Variants in PCNT observed in about 807,000 individuals in gnomAD.
PCNT encodes the protein kendrin.
In PCNT, 319 loss-of-function variants were observed where a neutral mutation model predicts 380.4. The observed-to-expected ratio is 0.84, with a 90% CI of 0.77 to 0.92. The LOEUF (loss-of-function observed/expected upper bound fraction) is 0.92, where lower values mean the gene tolerates loss of function less well. Ranked by LOEUF, PCNT falls within the 40% of genes least tolerant of loss-of-function variation. The pLI, the probability that PCNT is intolerant of heterozygous loss-of-function variation, is 0.00. For missense variants in PCNT, 4,400 were observed against 4,255.3 expected (o/e 1.03, Z -0.95); for synonymous variants, 1,845 against 1,735.2 (o/e 1.06, Z -1.57).
At chr21:46,355,912 T>C (rs1159683827) in intron 12 of PCNT, among the ~76,000 whole-genome samples, 1 of 152,084 alleles carries the variant, frequency 6.6e-6, no homozygotes, top group Non-Finnish European at 1.5e-5. Flanking sequence ...TGGATGGACA[T>C]GGTGACCATT....
Position 46,422,461 on chromosome 21 carries a change from C to T in PCNT, c.7179+337C>T, listed in dbSNP as rs568514139. Among the ~76,000 whole-genome samples, 7 of 143,180 alleles carry T rather than the reference C, an allele frequency of 4.9e-5. No homozygotes were observed. The South Asian group carries it at 6.7e-4, about 14-fold the overall frequency. The allele number at this position is 143,180 out of a possible 152,430, so 93.9% of individuals were successfully genotyped here. A position where few individuals can be genotyped will look rare whatever the true frequency, so the allele number is the denominator to read the frequency against. ...TCCTGCCTGTGCCCTGTAGAGAAGC[C>T]GAGGCACCAGACGCCGCAGTGCTCT... On this transcript the variant is annotated intron_variant, in intron 32 of 46. Transcript: ENST00000359568.
intron 29 of PCNT, among the ~76,000 whole-genome samples, chr21:46,415,270 CAT>C (rs1195982111): frequency 6.6e-6 from 1 of 151,716 alleles, no homozygotes; most frequent in African/African-American, 2.4e-5. Context: ...GTGTGCTTGT[CAT>C]GTGCTCTCGG....
chr21:46,381,216 G>C (rs1441384509), intron 15 of PCNT, among the ~76,000 whole-genome samples: 1,980 of 94,764 alleles, frequency 0.021, 166 homozygotes, highest in African/African-American at 0.12. Context: ...GTGTGTGTGT[G>C]TGTGTGTGTG....
intron 7 of PCNT, among the ~76,000 whole-genome samples, chr21:46,349,409 G>A (rs1385474095): frequency 2.0e-5 from 3 of 152,280 alleles, no homozygotes; most frequent in African/African-American, 4.8e-5. Context: ...TTCTTGGCAT[G>A]TTCAGTTGCT....
intron 2 of PCNT, among the ~76,000 whole-genome samples, chr21:46,333,944 T>A (rs371322928): frequency 6.7e-6 from 1 of 149,102 alleles, no homozygotes; most frequent in East Asian, 2.0e-4. Context: ...TGGTGGCTCA[T>A]GCCTGTAATC....
chr21:46,422,610 A>G (rs1399825357), intron 32 of PCNT, among the ~76,000 whole-genome samples: 1 of 152,268 alleles, frequency 6.6e-6, no homozygotes, highest in Non-Finnish European at 1.5e-5. Context: ...AGTTTAGCAG[A>G]TCATTTTATG....
Position 46,401,451 on chromosome 21 carries a change from T to C in PCNT, c.4792-100T>C. Reference sequence around the variant, plus strand: ...GGGCGTGCAGGTCCACCTGCTCTGCTTCAGGTGCAGCTAAAGATGGTCTGT... The same window carrying C: ...GGGCGTGCAGGTCCACCTGCTCTGCCTCAGGTGCAGCTAAAGATGGTCTGT... On this transcript the variant is annotated intron_variant, in intron 25 of 46. Coordinates refer to ENST00000359568, the MANE Select transcript of PCNT (RefSeq NM_006031.6). 4.1e-6 allele frequency: 4 copies of C among 985,586 alleles called. No individual in the cohort carries two copies. The South Asian group carries it at 5.2e-5, about 13-fold the overall frequency. 61.1% of individuals were successfully genotyped at this position (985,586 alleles called of 1,614,324 possible). A position where few individuals can be genotyped will look rare whatever the true frequency, so the allele number is the denominator to read the frequency against.
intron 41 of PCNT, 147 bp from the exon 42 acceptor site, chr21:46,439,936 G>A: frequency 3.4e-6 from 3 of 881,696 alleles, no homozygotes; most frequent in East Asian, 2.4e-5. Flanking sequence ...CTGAGGGGGT[G>A]CTGAAGTTGA....
Position 46,436,979 on chromosome 21 carries a change from G to A in PCNT, c.8997G>A (p.Arg2999=), listed in dbSNP as rs1288558445. The A allele has an allele frequency of 6.2e-7, 1 of 1,610,916 alleles. No individual in the cohort carries two copies. The highest frequency in any genetic ancestry group is 8.5e-7 in the Non-Finnish European group (1 of 1,177,064). The change falls in exon 40 of 47, where the codon AGG becomes AGA. Residue 2999 remains arginine, a splice_region_variant and synonymous_variant. Transcript: ENST00000359568. ...TTTGAGTGCCCATTTATTTTTACAG[G>A]ACAGTTAATGATTGGACGTCATCCA... ...LTSFTSQAVD[R]TVNDWTSSNE...
intron 29 of PCNT, 111 bp downstream of exon 29, chr21:46,413,103 C>T (rs4516527): frequency 0.024 from 12,132 of 503,112 alleles, 591 homozygotes; most frequent in Non-Finnish European, 0.032. Context: ...GCTGGACACG[C>T]GGCAGCAAGG....
intron 11 of PCNT, 46 bp downstream of exon 11, chr21:46,354,114 C>A: frequency 6.7e-7 from 1 of 1,491,028 alleles, no homozygotes; most frequent in Non-Finnish European, 9.4e-7. Context: ...GTGCTCTTGA[C>A]CTTCCAGCCC....
intron 19 of PCNT, among the ~76,000 whole-genome samples, chr21:46,389,934 C>T (rs1010722546): frequency 1.1e-4 from 17 of 152,116 alleles, no homozygotes; most frequent in African/African-American, 4.1e-4. Flanking sequence ...CTGATGTGGC[C>T]CTCCCGGAGT....
intron 3 of PCNT, among the ~76,000 whole-genome samples, chr21:46,337,854 GA>G (rs1402985184): frequency 2.4e-4 from 36 of 152,134 alleles, no homozygotes; most frequent in African/African-American, 8.7e-4. Flanking sequence ...AAAGTGCTAG[GA>G]TTACAGGCAT....
In PCNT at chr21:46,376,985, A is replaced by T. The variant is rs558093610; in HGVS notation, c.3166-4709A>T. On this transcript the variant is annotated intron_variant, in intron 15 of 46. Transcript: ENST00000359568. ...TGCGAACCCGTTTCTGGTCCCTGTGACTAAGATGCAGATGCACAGCCCACC... is the reference window on the plus strand; with the variant it reads ...TGCGAACCCGTTTCTGGTCCCTGTGTCTAAGATGCAGATGCACAGCCCACC... Among the ~76,000 whole-genome samples, 5 of 152,330 alleles carry T rather than the reference A, an allele frequency of 3.3e-5. No individual in the cohort carries two copies. In the South Asian group the frequency reaches 1.0e-3, roughly 32 times the overall value.
chr21:46,440,195 A>G lies in PCNT; in HGVS notation c.9386A>G (p.Asn3129Ser), dbSNP rs2053570052. 1.2e-6 allele frequency: 2 copies of G among 1,614,138 alleles called. No homozygotes were observed. The highest frequency in any genetic ancestry group is 1.7e-6 in the Non-Finnish European group (2 of 1,180,028). The change falls in exon 42 of 47, where the codon AAT (asparagine) becomes AGT (serine). Residue 3129 changes from asparagine (N) to serine (S), a missense_variant. Physicochemically the swap from Asn to Ser is conservative, Grantham distance 46. Coordinates refer to ENST00000359568, the MANE Select transcript of PCNT (RefSeq NM_006031.6). ...GCCAGCGAGGAAGCACACACCAGCA[A>G]TGTCAAGGTAGGAACGGTGCCACGA... ...PAASEEAHTS[N>S]VKMEKLYLHY...
rs774586776 is a variant in PCNT, at chr21:46,324,182, G to A, written c.-47G>A. The A allele has an allele frequency of 4.6e-6, 7 of 1,536,768 alleles. No individual in the cohort carries two copies. The highest frequency in any genetic ancestry group is 1.7e-4 in the Middle Eastern group (1 of 5,858). Reference sequence around the variant, plus strand: ...GTGTAAATAGAGCGAAGGCTGCTCTGTGTCAGCCCCGTCACCGCCGGGCGG... The same window carrying A: ...GTGTAAATAGAGCGAAGGCTGCTCTATGTCAGCCCCGTCACCGCCGGGCGG... On this transcript the variant is annotated 5_prime_UTR_variant, in exon 1 of 47. In the 5' UTR this introduces an upstream ATG that the reference lacks. Coordinates refer to ENST00000359568, the MANE Select transcript of PCNT (RefSeq NM_006031.6).
At chr21:46,360,727 C>T (rs1221277487) in intron 13 of PCNT, among the ~76,000 whole-genome samples, 1 of 149,138 alleles carries the variant, frequency 6.7e-6, no homozygotes. Flanking sequence ...ACCATGTTAG[C>T]CAGGATGGTC....
chr21:46,427,580 G>A, intron 33 of PCNT, 42 bp from the exon 34 acceptor site: 1 of 1,612,764 alleles, frequency 6.2e-7, no homozygotes, highest in East Asian at 2.2e-5. Flanking sequence ...AAGGATGCAG[G>A]TGCATTTGTG....
intron 15 of PCNT, among the ~76,000 whole-genome samples, chr21:46,371,021 C>T (rs1056515701): frequency 2.6e-5 from 4 of 151,170 alleles, no homozygotes; most frequent in Admixed American, 1.3e-4. Flanking sequence ...GGCGACAGAG[C>T]GAGACTCCGT....
Sources: gnomAD v4.1 joint callset for allele counts (sites outside exome capture counted in the v4.1 genomes callset) on GRCh38, gnomAD v4.1.1 for gene constraint, MANE v1.5 for transcripts, NCBI Gene and HGNC (gene_info 2026-07-23, HGNC 2026-07-21) for gene names.